GALNT18: variants seen among roughly 807,000 people sequenced by gnomAD.
The protein encoded by GALNT18 is polypeptide N-acetylgalactosaminyltransferase 18.
Under a neutral mutation model 69.5 loss-of-function variants are expected in GALNT18, and 44 were observed. The observed-to-expected ratio is 0.63, with a 90% CI of 0.50 to 0.81. The LOEUF is 0.81. Among genes scored for constraint, GALNT18 ranks in the 40% least tolerant of loss-of-function variants. The pLI, the probability that GALNT18 is intolerant of heterozygous loss-of-function variation, is 0.00. For synonymous variants in GALNT18, 364 were observed against 318.2 expected (o/e 1.14, Z -1.53); for missense variants, 715 against 810.0 (o/e 0.88, Z 1.42).
In GALNT18 at chr11:11,444,520, C is replaced by T. The variant is rs762983979; in HGVS notation, c.428+4224G>A. Among the ~76,000 whole-genome samples the T allele has an allele frequency of 1.3e-5, 2 of 152,154 alleles. No homozygotes were observed. The highest frequency in any genetic ancestry group is 2.9e-5 in the Non-Finnish European group (2 of 68,038). On this transcript the variant is annotated intron_variant, in intron 2 of 10. Transcript: ENST00000227756. This position sits in a 1 kb window ranked among gnomAD's most constrained non-coding sequence, Gnocchi z 4.4. Reference sequence around the variant, plus strand: ...AATGTTGGCTGGATAAAAAAATAAACGAGGCCTAGCAACTGGCTGGACCGA... The same window carrying T: ...AATGTTGGCTGGATAAAAAAATAAATGAGGCCTAGCAACTGGCTGGACCGA...
At position 11,520,913 on chromosome 11, in the gene GALNT18, A is replaced by C. The variant is rs578072100; in HGVS notation, c.236-71977T>G. ...CAGCATGTGGGGAAACTAGTCCTGCATTCCTGGCAGGGATCGGGAAGCACA... is the reference window on the plus strand; with the variant it reads ...CAGCATGTGGGGAAACTAGTCCTGCCTTCCTGGCAGGGATCGGGAAGCACA... On this transcript the variant is annotated intron_variant, in intron 1 of 10. Transcript: ENST00000227756. Among the ~76,000 whole-genome samples, 20 of 145,568 alleles carry C rather than the reference A, an allele frequency of 1.4e-4. No homozygotes were observed. In the East Asian group the frequency reaches 1.9e-3, roughly 14 times the overall value.
At position 11,604,933 on chromosome 11, in the gene GALNT18, G is replaced by A. The variant is rs1227480366; in HGVS notation, c.235+16426C>T. Among the ~76,000 whole-genome samples the A allele has an allele frequency of 3.3e-5, 5 of 152,092 alleles. No individual in the cohort carries two copies. Among genetic ancestry groups the A allele is most frequent in the East Asian group, 1.9e-4 (1 of 5,194 alleles). ...GACCCACTGGCTATTGCTCCTGGCC[G>A]TGAGTCTGCGGAGGTAAAAAAAAAG... On this transcript the variant is annotated intron_variant, in intron 1 of 10. Coordinates refer to ENST00000227756, the MANE Select transcript of GALNT18 (RefSeq NM_198516.3). This position sits in a 1 kb window ranked among gnomAD's most constrained non-coding sequence, Gnocchi z 5.6.
intron 3 of GALNT18, among the ~76,000 whole-genome samples, chr11:11,431,648 A>G (rs1165071040): frequency 6.6e-6 from 1 of 152,240 alleles, no homozygotes; most frequent in African/African-American, 2.4e-5. Context: ...CAGATTAAAT[A>G]CATTTCAATT....
At chr11:11,322,536 A>C (rs1017689322) in intron 9 of GALNT18, among the ~76,000 whole-genome samples, 2 of 152,112 alleles carry the variant, frequency 1.3e-5, no homozygotes, top group African/African-American at 4.8e-5. Flanking sequence ...TGTGCTGAAA[A>C]CCCAGGTGCC....
At chr11:11,363,195 A>G (rs1850681929) in intron 6 of GALNT18, among the ~76,000 whole-genome samples, 1 of 152,216 alleles carries the variant, frequency 6.6e-6, no homozygotes, top group African/African-American at 2.4e-5. Flanking sequence ...ACAACGCTGA[A>G]AGTTCCTTAT....
In GALNT18 at chr11:11,621,270, A is replaced by T. The variant is rs986284340; in HGVS notation, c.235+89T>A. 4.7e-6 allele frequency: 5 copies of T among 1,062,136 alleles called. No homozygotes were observed. The highest frequency in any genetic ancestry group is 7.0e-6 in the Non-Finnish European group (5 of 714,676). 65.8% of individuals were successfully genotyped at this position (1,062,136 alleles called of 1,614,324 possible). Reference sequence around the variant, plus strand: ...CGGCCCCAGAGCCCCGCCGTGGCTGAGTTGATGCGCACCAGCCCCAGCGCA... The same window carrying T: ...CGGCCCCAGAGCCCCGCCGTGGCTGTGTTGATGCGCACCAGCCCCAGCGCA... On this transcript the variant is annotated intron_variant, in intron 1 of 10. Transcript: ENST00000227756. The surrounding 1 kb of genome is among the most constrained non-coding windows in gnomAD (Gnocchi z 9.3).
intron 1 of GALNT18, among the ~76,000 whole-genome samples, chr11:11,556,066 G>A (rs1301444482): frequency 6.6e-6 from 1 of 152,196 alleles, no homozygotes; most frequent in African/African-American, 2.4e-5. Flanking sequence ...GTGGGACCTT[G>A]TATAAACAAT....
At chr11:11,482,762 T>C (rs1434413966) in intron 1 of GALNT18, among the ~76,000 whole-genome samples, 1 of 152,202 alleles carries the variant, frequency 6.6e-6, no homozygotes, top group Non-Finnish European at 1.5e-5. Flanking sequence ...AGCAATCTTA[T>C]GAAATTAGCT....
chr11:11,326,784 T>C (rs1849927420), intron 9 of GALNT18, among the ~76,000 whole-genome samples: 1 of 152,206 alleles, frequency 6.6e-6, no homozygotes, highest in South Asian at 2.1e-4. Flanking sequence ...GATGTACCCA[T>C]AGTTTCCACA....
Position 11,463,168 on chromosome 11 carries a change from G to A in GALNT18, c.236-14232C>T, listed in dbSNP as rs570795503. On this transcript the variant is annotated intron_variant, in intron 1 of 10. Coordinates refer to ENST00000227756, the MANE Select transcript of GALNT18 (RefSeq NM_198516.3). The surrounding 1 kb of genome is among the most constrained non-coding windows in gnomAD (Gnocchi z 4.2). ...CTGCTTCCCTCAGTTATCACTGGCT[G>A]TATCCTCACACATGGACATACACAC... Among the ~76,000 whole-genome samples the A allele has an allele frequency of 2.0e-4, 30 of 151,686 alleles. No individual in the cohort carries two copies. The South Asian group carries it at 6.1e-3, about 31-fold the overall frequency.
intron 1 of GALNT18, among the ~76,000 whole-genome samples, chr11:11,518,750 G>A (rs1857334317): frequency 6.6e-6 from 1 of 152,236 alleles, no homozygotes. Context: ...AGAACCAGTA[G>A]ATCAATTATC....
chr11:11,285,584 C>T (rs568224184), intron 10 of GALNT18, among the ~76,000 whole-genome samples: 43 of 152,284 alleles, frequency 2.8e-4, no homozygotes, highest in African/African-American at 1.0e-3. Flanking sequence ...AAGGCCTAAA[C>T]GAAGCTTTGT....
intron 10 of GALNT18, among the ~76,000 whole-genome samples, chr11:11,285,591 T>C (rs1358298024): frequency 2.3e-4 from 35 of 152,170 alleles, no homozygotes. Flanking sequence ...AAACGAAGCT[T>C]TGTCAGTCCC....
At chr11:11,368,812 G>A (rs1850831336) in intron 6 of GALNT18, among the ~76,000 whole-genome samples, 1 of 152,166 alleles carries the variant, frequency 6.6e-6, no homozygotes, top group Non-Finnish European at 1.5e-5. Flanking sequence ...AACAGCTGGA[G>A]ACTTTGTGGG....
At position 11,398,750 on chromosome 11, in the gene GALNT18, C is replaced by A. The variant is rs189805416; in HGVS notation, c.596-19486G>T. Among the ~76,000 whole-genome samples, 530 of 152,238 alleles carry A rather than the reference C, an allele frequency of 3.5e-3. 4 individuals are homozygous for A. The highest frequency in any genetic ancestry group is 4.2e-3 in the Non-Finnish European group (286 of 68,026). ...ACCAGATGGACGCATGGGATTTTAA[C>A]CCAATGAGAGGAAAATGATTATTTA... On this transcript the variant is annotated intron_variant, in intron 3 of 10. Transcript: ENST00000227756.
intron 3 of GALNT18, among the ~76,000 whole-genome samples, chr11:11,400,752 T>C (rs1854442836): frequency 6.6e-6 from 1 of 152,226 alleles, no homozygotes; most frequent in African/African-American, 2.4e-5. Flanking sequence ...CCAGCTTTGA[T>C]GTCACCAGGA....
intron 10 of GALNT18, among the ~76,000 whole-genome samples, chr11:11,279,145 C>T (rs529300053): frequency 6.6e-6 from 1 of 152,108 alleles, no homozygotes; most frequent in East Asian, 1.9e-4. Flanking sequence ...TGTGTGGCAC[C>T]TCCTCTCACC....
intron 1 of GALNT18, among the ~76,000 whole-genome samples, chr11:11,507,255 T>C (rs1016556012): frequency 6.6e-6 from 1 of 152,200 alleles, no homozygotes; most frequent in Non-Finnish European, 1.5e-5. Context: ...AAACAAATAT[T>C]GACTGAAGAC....
intron 1 of GALNT18, among the ~76,000 whole-genome samples, chr11:11,550,831 C>G (rs1282143630): frequency 1.3e-5 from 2 of 152,202 alleles, no homozygotes; most frequent in Non-Finnish European, 2.9e-5. Context: ...TAAATGTAAA[C>G]AGCCACATGT....
Sources: allele counts gnomAD v4.1 joint callset (sites outside exome capture counted in the v4.1 genomes callset), GRCh38; gene constraint gnomAD v4.1.1; non-coding constraint Gnocchi (gnomAD v3.1); transcripts MANE v1.5; gene names NCBI Gene and HGNC (gene_info 2026-07-23, HGNC 2026-07-21).